OPCML: variants seen among roughly 807,000 people sequenced by gnomAD.
The protein encoded by OPCML is opioid-binding protein/cell adhesion molecule.
Under a neutral mutation model 37.8 loss-of-function variants are expected in OPCML, and 13 were observed. The ratio of observed to expected loss-of-function variants is 0.34; its 90% CI spans 0.22 to 0.55. The LOEUF is 0.55. OPCML is among the 20% of genes least tolerant of loss of function. The probability of loss-of-function intolerance (pLI) is 0.91; values close to 1 mark genes in which losing one functional copy is unlikely to be tolerated. For missense variants in OPCML, 341 were observed against 435.6 expected, an observed-to-expected ratio of 0.78 and a Z score of 1.93; for synonymous variants, 176 against 168.8, an observed-to-expected ratio of 1.04 and a Z score of -0.33.
intron 4 of OPCML, among the ~76,000 whole-genome samples, chr11:132,462,421 T>C (rs73585022): frequency 0.12 from 17,923 of 152,228 alleles, 3,111 homozygotes; most frequent in African/African-American, 0.38. Flanking sequence ...TCAGCCTCTC[T>C]GAGGATTTGA....
chr11:133,085,582 T>C (rs981085001), intron 1 of OPCML, among the ~76,000 whole-genome samples: 2 of 152,236 alleles, frequency 1.3e-5, no homozygotes, highest in African/African-American at 4.8e-5. Flanking sequence ...GGCAGTGGTG[T>C]AGCCTGATGA....
intron 1 of OPCML, chr11:133,423,266 T>C: frequency 1.0e-6 from 1 of 985,424 alleles, no homozygotes; most frequent in Non-Finnish European, 1.2e-6. Context: ...TTGTCTTCAG[T>C]TTTAGCAATT....
Position 132,686,058 on chromosome 11 carries a change from A to G in OPCML, c.147-28739T>C, listed in dbSNP as rs538707224. 9.2e-5 allele frequency among the ~76,000 whole-genome samples: 14 copies of G among 152,226 alleles called. No homozygotes were observed. In the South Asian group the frequency reaches 2.9e-3, roughly 32 times the overall value. On this transcript the variant is annotated intron_variant, in intron 2 of 7. Coordinates refer to ENST00000524381, the MANE Select transcript of OPCML (RefSeq NM_001012393.5). Reference sequence around the variant, plus strand: ...CTGCTGTCATTGCATTGTCTGCCTCACCTATAGAGCTGTCCATTCCTTAAT... The same window carrying G: ...CTGCTGTCATTGCATTGTCTGCCTCGCCTATAGAGCTGTCCATTCCTTAAT...
intron 2 of OPCML, among the ~76,000 whole-genome samples, chr11:132,802,943 G>C (rs1196251269): frequency 6.6e-6 from 1 of 152,120 alleles, no homozygotes; most frequent in Admixed American, 6.5e-5. Context: ...ACTTCACTTA[G>C]AATTAAAGGT....
At chr11:133,283,550 A>T (rs1421274172) in intron 1 of OPCML, among the ~76,000 whole-genome samples, 2 of 152,148 alleles carry the variant, frequency 1.3e-5, no homozygotes, top group African/African-American at 4.8e-5. Flanking sequence ...TCTTTCCTTT[A>T]TAAATTACCC....
intron 4 of OPCML, among the ~76,000 whole-genome samples, chr11:132,444,613 T>A (rs1422450412): frequency 6.6e-6 from 1 of 152,184 alleles, no homozygotes; most frequent in African/African-American, 2.4e-5. Context: ...GTGTTCACAT[T>A]ATGCCTGATG....
intron 2 of OPCML, among the ~76,000 whole-genome samples, chr11:132,770,478 CAA>C (rs1946600374): frequency 6.6e-6 from 1 of 152,134 alleles, no homozygotes; most frequent in African/African-American, 2.4e-5. Context: ...TTGACTTTCT[CAA>C]ATGGTCTCTT....
intron 1 of OPCML, chr11:133,066,854 T>C (rs1948449747): frequency 6.6e-6 from 1 of 152,100 alleles, no homozygotes; most frequent in Non-Finnish European, 1.5e-5. Flanking sequence ...TTTTTTTGTA[T>C]TTTTAGTGGA....
chr11:132,690,595 C>A (rs1943360232), intron 2 of OPCML, among the ~76,000 whole-genome samples: 1 of 152,144 alleles, frequency 6.6e-6, no homozygotes, highest in Non-Finnish European at 1.5e-5. Context: ...CGTACCAAAC[C>A]ATTCTTTTTT....
At chr11:132,676,402 A>C (rs990217834) in intron 2 of OPCML, among the ~76,000 whole-genome samples, 2 of 152,128 alleles carry the variant, frequency 1.3e-5, no homozygotes, top group Admixed American at 6.5e-5. Flanking sequence ...TAACACCTAA[A>C]GTATAAGCAA....
At chr11:132,506,640 T>G (rs1291604138) in intron 4 of OPCML, among the ~76,000 whole-genome samples, 1 of 152,110 alleles carries the variant, frequency 6.6e-6, no homozygotes, top group Admixed American at 6.6e-5. Flanking sequence ...ATAGAGGAAG[T>G]GAGGAAACAT....
chr11:132,651,632 T>C (rs997715728), intron 3 of OPCML, among the ~76,000 whole-genome samples: 8 of 152,208 alleles, frequency 5.3e-5, no homozygotes, highest in African/African-American at 1.9e-4. Flanking sequence ...TTATACTTAG[T>C]GCACCCAATG....
chr11:133,105,651 G>A (rs1949145242), intron 1 of OPCML, among the ~76,000 whole-genome samples: 1 of 152,164 alleles, frequency 6.6e-6, no homozygotes, highest in African/African-American at 2.4e-5. Context: ...AGGATTTAGA[G>A]GTTTTTAGCC....
intron 2 of OPCML, among the ~76,000 whole-genome samples, chr11:132,678,041 A>G (rs1942786864): frequency 6.6e-6 from 1 of 152,340 alleles, no homozygotes; most frequent in East Asian, 1.9e-4. Context: ...AAGAACTCCT[A>G]AAATTCAACA....
At chr11:133,421,205 C>T in intron 1 of OPCML, 1 of 985,300 alleles carries the variant, frequency 1.0e-6, no homozygotes, top group Non-Finnish European at 1.2e-6. Flanking sequence ...AGGGAAAGAG[C>T]AATGCGTTCC....
At chr11:133,489,922 C>T (rs999968594) in intron 1 of OPCML, among the ~76,000 whole-genome samples, 1 of 151,846 alleles carries the variant, frequency 6.6e-6, no homozygotes, top group African/African-American at 2.4e-5. Context: ...ATACATCCTA[C>T]ATGCACACAT....
chr11:133,305,111 T>C (rs1942878341), intron 1 of OPCML, among the ~76,000 whole-genome samples: 1 of 152,148 alleles, frequency 6.6e-6, no homozygotes, highest in African/African-American at 2.4e-5. Flanking sequence ...ACTATCTCTT[T>C]CTCCTATTCC....
rs7120729 is a variant in OPCML at position 132,768,634 on chromosome 11, C to T, written c.147-111315G>A. 9.9e-3 allele frequency among the ~76,000 whole-genome samples: 1,507 copies of T among 152,266 alleles called. 28 individuals are homozygous for T. The highest frequency in any genetic ancestry group is 0.035 in the African/African-American group (1,437 of 41,532). ...AGATTTACTCTCAGTGTTACTCTGA[C>T]CTGGTGACCTAGAAAATGTCCAAGA... is the stretch of plus-strand genomic sequence containing the variant. On this transcript the variant is annotated intron_variant, in intron 2 of 7. Coordinates refer to ENST00000524381, the MANE Select transcript of OPCML (RefSeq NM_001012393.5).
At chr11:133,335,011 A>T (rs1943711913) in intron 1 of OPCML, among the ~76,000 whole-genome samples, 1 of 152,214 alleles carries the variant, frequency 6.6e-6, no homozygotes, top group African/African-American at 2.4e-5. Flanking sequence ...TGCATGTTTC[A>T]ACTTGAACTG....
Sources: gnomAD v4.1 joint callset for allele counts (sites outside exome capture counted in the v4.1 genomes callset) on GRCh38, gnomAD v4.1.1 for gene constraint, MANE v1.5 for transcripts, NCBI Gene and HGNC (gene_info 2026-07-23, HGNC 2026-07-21) for gene names.